The following FGF1 variants were observed in gnomAD, a reference collection of about 807,000 sequenced individuals.
The protein encoded by FGF1 is beta-endothelial cell growth factor.
FGF1 carries 9 observed loss-of-function variants against 13.4 expected under a neutral mutation model. The ratio of observed to expected loss-of-function variants is 0.67; its 90% CI spans 0.40 to 1.17. FGF1 has a LOEUF of 1.17. FGF1 is among the 50% of genes most tolerant of loss of function. The probability of loss-of-function intolerance (pLI) is 0.01; values close to 1 mark genes in which losing one functional copy is unlikely to be tolerated. For missense variants in FGF1, 156 were observed against 192.7 expected, an observed-to-expected ratio of 0.81 and a Z score of 1.13; for synonymous variants, 93 against 79.0, an observed-to-expected ratio of 1.18 and a Z score of -0.94.
chr5:142,600,188 C>T (rs1756181372), intron 3 of FGF1, among the ~76,000 whole-genome samples: 1 of 152,142 alleles, frequency 6.6e-6, no homozygotes, highest in South Asian at 2.1e-4. Flanking sequence ...ATAGTGAGAC[C>T]TTGTCTCTAC....
rs75159297 is a variant in FGF1 at position 142,638,682 on chromosome 5, A to G, written c.-34-24521T>C. On this transcript the variant is annotated intron_variant, in intron 1 of 3. Transcript: ENST00000337706. ...AGACAACAAAAGCAAAAATAGTTCAATGGAATTGCATCAAACTAAAACGTT... is the reference window on the plus strand; with the variant it reads ...AGACAACAAAAGCAAAAATAGTTCAGTGGAATTGCATCAAACTAAAACGTT... Among the ~76,000 whole-genome samples the G allele has an allele frequency of 8.3e-3, 1,261 of 152,200 alleles. 11 individuals are homozygous for G. Among genetic ancestry groups the G allele is most frequent in the South Asian group, 0.02 (98 of 4,822 alleles).
chr5:142,681,659 C>G (rs1243848223), intron 1 of FGF1, among the ~76,000 whole-genome samples: 1 of 152,150 alleles, frequency 6.6e-6, no homozygotes, highest in Non-Finnish European at 1.5e-5. Context: ...TCTCAGGACA[C>G]CTCTCATAAT....
chr5:142,685,133 G>A (rs1774436857), intron 1 of FGF1, among the ~76,000 whole-genome samples: 1 of 152,188 alleles, frequency 6.6e-6, no homozygotes, highest in Non-Finnish European at 1.5e-5. Context: ...CAGCAGCCTT[G>A]CATACCTTTG....
intron 1 of FGF1, among the ~76,000 whole-genome samples, chr5:142,634,411 C>T (rs1763917613): frequency 6.6e-6 from 1 of 152,214 alleles, no homozygotes; most frequent in Non-Finnish European, 1.5e-5. Context: ...TTAAAAATGG[C>T]AGACGGTTGT....
chr5:142,696,436 GC>G (rs1469617359), intron 2 of FGF1, among the ~76,000 whole-genome samples: 3 of 152,314 alleles, frequency 2.0e-5, no homozygotes, highest in Non-Finnish European at 2.9e-5. Context: ...ATGACTCCAT[GC>G]CCATGGCAAG....
In FGF1 at chr5:142,653,209, C is replaced by T. The variant is rs556347109; in HGVS notation, c.-35+32748G>A. ...GTGTGAATTGTTAAAAAGACACATC[C>T]GACCTGAGCCAGCAGGGTCCTCCTC... On this transcript the variant is annotated intron_variant, in intron 1 of 3. Coordinates refer to ENST00000337706, the MANE Select transcript of FGF1 (RefSeq NM_000800.5). 3.2e-4 allele frequency among the ~76,000 whole-genome samples: 49 copies of T among 152,304 alleles called. 1 individual carries two copies. The highest frequency in any genetic ancestry group is 1.2e-3 in the African/African-American group (49 of 41,574).
At chr5:142,635,888 G>T (rs759229033) in intron 1 of FGF1, among the ~76,000 whole-genome samples, 2 of 152,206 alleles carry the variant, frequency 1.3e-5, no homozygotes, top group African/African-American at 2.4e-5. Context: ...TCTCTTTTTA[G>T]CAAAGCCACT....
Position 142,693,760 on chromosome 5 carries a change from C to T in FGF1, c.-35+3862G>A, listed in dbSNP as rs544962374. 3.9e-5 allele frequency among the ~76,000 whole-genome samples: 6 copies of T among 152,228 alleles called. No individual in the cohort carries two copies. The South Asian group carries it at 1.0e-3, about 26-fold the overall frequency. On this transcript the variant is annotated intron_variant, in intron 2 of 4. Coordinates refer to the FGF1 transcript ENST00000407758. The stretch of plus-strand genomic sequence containing the variant: ...TCTCTATAGATTTTCCTGTTCTGGC[C>T]GTTTCATATAAATGGAATCAAACAA...
intron 2 of FGF1, among the ~76,000 whole-genome samples, chr5:142,696,835 T>C (rs746431744): frequency 2.0e-5 from 3 of 152,226 alleles, no homozygotes; most frequent in Non-Finnish European, 4.4e-5. Context: ...CAGAATTTTG[T>C]TGGTTGCTTC....
intron 1 of FGF1, among the ~76,000 whole-genome samples, chr5:142,644,791 A>G (rs1202668617): frequency 6.6e-6 from 1 of 152,250 alleles, no homozygotes; most frequent in African/African-American, 2.4e-5. Context: ...TAGTCTCTCC[A>G]TCATGGGCAG....
intron 1 of FGF1, among the ~76,000 whole-genome samples, chr5:142,659,892 G>A (rs1245481509): frequency 1.3e-5 from 2 of 152,152 alleles, no homozygotes; most frequent in Non-Finnish European, 2.9e-5. Context: ...TTCTCTAGTC[G>A]AAGGGGAGAA....
chr5:142,660,570 T>C (rs957078921), intron 1 of FGF1, among the ~76,000 whole-genome samples: 1 of 152,186 alleles, frequency 6.6e-6, no homozygotes, highest in African/African-American at 2.4e-5. Context: ...GCAGCAGAAA[T>C]CTGGAGTGTA....
chr5:142,606,527 G>A (rs537413364), intron 2 of FGF1, among the ~76,000 whole-genome samples: 1 of 152,200 alleles, frequency 6.6e-6, no homozygotes, highest in East Asian at 1.9e-4. Context: ...GGAGGCTGAG[G>A]CGAGAGAATT....
rs1280943372 is a variant in FGF1, at chr5:142,592,769, GTCC to G, written c.*2518_*2520del. ...GAAAATGCTAAGTTTACCTTGCCAT[GTCC>G]TCTGACATTTTGATAGGGGTTTATT... On this transcript the variant is annotated 3_prime_UTR_variant, in exon 4 of 4. Coordinates refer to ENST00000337706, the MANE Select transcript of FGF1 (RefSeq NM_000800.5). The G allele has an allele frequency of 1.2e-5, 3 of 254,418 alleles. No homozygotes were observed. The highest frequency in any genetic ancestry group is 6.8e-5 in the African/African-American group (3 of 44,392). 15.8% of individuals were successfully genotyped at this position (254,418 alleles called of 1,614,324 possible). A position where few individuals can be genotyped will look rare whatever the true frequency, so the allele number is the denominator to read the frequency against.
At chr5:142,603,461 G>A (rs1162698916) in intron 2 of FGF1, among the ~76,000 whole-genome samples, 1 of 151,846 alleles carries the variant, frequency 6.6e-6, no homozygotes, top group East Asian at 1.9e-4. Context: ...AGTACAACAT[G>A]CAATGATTTT....
intron 1 of FGF1, among the ~76,000 whole-genome samples, chr5:142,651,159 T>C (rs1035950347): frequency 6.6e-6 from 1 of 151,988 alleles, no homozygotes; most frequent in Non-Finnish European, 1.5e-5. Context: ...GGGCACCTGG[T>C]ATCTTTCCTC....
intron 1 of FGF1, among the ~76,000 whole-genome samples, chr5:142,678,554 G>T (rs978020299): frequency 1.3e-5 from 2 of 152,034 alleles, no homozygotes; most frequent in Non-Finnish European, 2.9e-5. Flanking sequence ...TCCTTTCAGC[G>T]CCCTCTGCCC....
chr5:142,690,059 C>A (rs988062406), upstream of FGF1, among the ~76,000 whole-genome samples: 16 of 150,716 alleles, frequency 1.1e-4, no homozygotes, highest in African/African-American at 3.9e-4. Flanking sequence ...CGGTGGCTCA[C>A]GCCTGTAATC....
At chr5:142,648,689 C>CAAAAAAA (rs11451715) in intron 1 of FGF1, among the ~76,000 whole-genome samples, 901 of 65,972 alleles carry the variant, frequency 0.014, 1 homozygote, top group East Asian at 0.022. Flanking sequence ...CCCCACCAAC[C>CAAAAAAA]AAAAAAAAAA....
Sources: gnomAD v4.1 joint callset for allele counts (sites outside exome capture counted in the v4.1 genomes callset) on GRCh38, gnomAD v4.1.1 for gene constraint, MANE v1.5 for transcripts, NCBI Gene and HGNC (gene_info 2026-07-23, HGNC 2026-07-21) for gene names.